Variants in EVI5 observed in about 807,000 individuals in gnomAD.
EVI5 encodes ecotropic viral integration site 5 protein homolog.
Under a neutral mutation model 112.0 loss-of-function variants are expected in EVI5, and 73 were observed. The observed-to-expected ratio is 0.65, with a 90% CI of 0.54 to 0.79. The LOEUF is 0.79. Among genes scored for constraint, EVI5 ranks in the 30% least tolerant of loss-of-function variants. The probability of loss-of-function intolerance (pLI) is 0.00; values close to 1 mark genes in which losing one functional copy is unlikely to be tolerated. For missense variants in EVI5, 900 were observed against 968.8 expected (o/e 0.93, Z 0.94); for synonymous variants, 305 against 319.9 (o/e 0.95, Z 0.50).
chr1:92,540,464 C>T (rs1461902596), intron 19 of EVI5, among the ~76,000 whole-genome samples: 1 of 152,162 alleles, frequency 6.6e-6, no homozygotes, highest in East Asian at 1.9e-4. Context: ...GTCCACTGGC[C>T]ATCTGGTATA....
At chr1:92,543,677 G>A (rs1263170702) in intron 19 of EVI5, among the ~76,000 whole-genome samples, 3 of 152,074 alleles carry the variant, frequency 2.0e-5, no homozygotes, top group South Asian at 4.1e-4. Context: ...TTGACTATAT[G>A]AGTGCAATTT....
At chr1:92,522,384 T>C (rs992251179) in intron 19 of EVI5, among the ~76,000 whole-genome samples, 7 of 152,076 alleles carry the variant, frequency 4.6e-5, no homozygotes, top group Non-Finnish European at 8.8e-5. Flanking sequence ...GTGCCTGTAA[T>C]CTCAGCACTT....
At chr1:92,682,046 A>C (rs1232887779) in intron 9 of EVI5, among the ~76,000 whole-genome samples, 1 of 152,178 alleles carries the variant, frequency 6.6e-6, no homozygotes, top group African/African-American at 2.4e-5. Flanking sequence ...TCCTAGGCTC[A>C]ATGGATCCTC....
intron 19 of EVI5, among the ~76,000 whole-genome samples, chr1:92,526,021 G>A (rs1354408367): frequency 1.3e-5 from 2 of 151,874 alleles, no homozygotes; most frequent in African/African-American, 4.8e-5. Context: ...CTTTGAGTAG[G>A]GTTCTGGCTT....
intron 13 of EVI5, chr1:92,647,622 C>A: frequency 2.3e-6 from 1 of 427,930 alleles, no homozygotes; most frequent in South Asian, 2.8e-5. Context: ...CCTCTGGTTT[C>A]TTGGGATCAC....
chr1:92,670,243 G>A (rs1018675419), intron 10 of EVI5, among the ~76,000 whole-genome samples: 1 of 152,088 alleles, frequency 6.6e-6, no homozygotes, highest in Non-Finnish European at 1.5e-5. Context: ...AAGAAAAACT[G>A]AAAACAACCT....
intron 2 of EVI5, among the ~76,000 whole-genome samples, chr1:92,721,487 T>C (rs1674748175): frequency 1.3e-5 from 2 of 152,072 alleles, no homozygotes; most frequent in African/African-American, 4.8e-5. Flanking sequence ...TGAAAACACT[T>C]GGACACAGGG....
chr1:92,526,315 T>C (rs1047106905), intron 19 of EVI5, among the ~76,000 whole-genome samples: 1 of 152,230 alleles, frequency 6.6e-6, no homozygotes, highest in Non-Finnish European at 1.5e-5. Context: ...CACCTCAGCC[T>C]CCCAAAGTGT....
At chr1:92,605,053 G>A (rs1650057963) in intron 18 of EVI5, among the ~76,000 whole-genome samples, 1 of 152,076 alleles carries the variant, frequency 6.6e-6, no homozygotes, top group Non-Finnish European at 1.5e-5. Context: ...GTTCAGTTAG[G>A]GAGGATGAAA....
intron 18 of EVI5, among the ~76,000 whole-genome samples, chr1:92,568,373 T>TA (rs1054450649): frequency 5.5e-4 from 8 of 14,524 alleles, no homozygotes; most frequent in East Asian, 9.0e-3. Context: ...AAACCTATCT[T>TA]AAAAAAAAAA....
At chr1:92,781,272 C>A (rs1684828358) in intron 1 of EVI5, among the ~76,000 whole-genome samples, 2 of 152,022 alleles carry the variant, frequency 1.3e-5, no homozygotes, top group East Asian at 3.9e-4. Flanking sequence ...TTTGGGAAGC[C>A]GAAGAGGGCA....
intron 9 of EVI5, among the ~76,000 whole-genome samples, chr1:92,693,020 A>G (rs1480156003): frequency 6.6e-6 from 1 of 152,198 alleles, no homozygotes; most frequent in Non-Finnish European, 1.5e-5. Flanking sequence ...CTTTTAGGAC[A>G]TGAATGCCAA....
At chr1:92,770,744 C>G (rs1003900060) in intron 1 of EVI5, among the ~76,000 whole-genome samples, 6 of 151,512 alleles carry the variant, frequency 4.0e-5, no homozygotes, top group African/African-American at 1.5e-4. Context: ...GAGCCGAAAT[C>G]GCGCCACTGA....
At chr1:92,593,816 C>T (rs930264650) in intron 18 of EVI5, among the ~76,000 whole-genome samples, 17 of 152,114 alleles carry the variant, frequency 1.1e-4, no homozygotes, top group South Asian at 2.1e-4. Flanking sequence ...AACTCCCATT[C>T]GCAATTGCTT....
At chr1:92,788,793 C>G (rs1685862788), upstream of EVI5, among the ~76,000 whole-genome samples, 1 of 151,900 alleles carries the variant, frequency 6.6e-6, no homozygotes, top group South Asian at 2.1e-4. Context: ...GACTCTGTCT[C>G]AACAGCAACA....
intron 1 of EVI5, among the ~76,000 whole-genome samples, chr1:92,760,341 ATCT>A (rs1681619453): frequency 1.3e-5 from 2 of 152,322 alleles, no homozygotes; most frequent in Non-Finnish European, 2.9e-5. Context: ...GCCTAAAAGC[ATCT>A]TTTTTTCTTT....
chr1:92,619,720 A>G (rs2101728819), intron 16 of EVI5, among the ~76,000 whole-genome samples: 1 of 151,900 alleles, frequency 6.6e-6, no homozygotes, highest in African/African-American at 2.4e-5. Context: ...CAGGAGTTCG[A>G]GACCTGGGCA....
chr1:92,657,576 T>C (rs562350151), intron 13 of EVI5, among the ~76,000 whole-genome samples: 50 of 152,034 alleles, frequency 3.3e-4, no homozygotes, highest in Non-Finnish European at 6.9e-4. Flanking sequence ...AGCAGGAGGA[T>C]CACTTGAACC....
In EVI5 at chr1:92,636,279, C is replaced by T; in HGVS notation, c.1450G>A (p.Val484Ile). The T allele has an allele frequency of 1.2e-6, 2 of 1,613,698 alleles. No homozygotes were observed. Among genetic ancestry groups the T allele is most frequent in the Non-Finnish European group, 1.7e-6 (2 of 1,179,628 alleles). Reference protein sequence around the residue: ...DFVLQLEKELVQARLSEAESQ... With the variant: ...DFVLQLEKELIQARLSEAESQ... The stretch of plus-strand genomic sequence containing the variant: ...TCAGCTTCACTCAGTCGGGCTTGGA[C>T]CAATTCCTTCTCTAGCTGTAGCACA... The change falls in exon 14 of 20, where the codon GTC (valine) becomes ATC (isoleucine). Residue 484 changes from valine (V) to isoleucine (I), a missense_variant. By Grantham distance (29) the Val-to-Ile change is conservative. Coordinates refer to ENST00000684568, the MANE Select transcript of EVI5 (RefSeq NM_001350197.2).
Sources: allele counts gnomAD v4.1 joint callset (sites outside exome capture counted in the v4.1 genomes callset), GRCh38; gene constraint gnomAD v4.1.1; transcripts MANE v1.5; gene names NCBI Gene and HGNC (gene_info 2026-07-23, HGNC 2026-07-21).